Variants in LOC128125814 observed in about 807,000 individuals in gnomAD.
the LOC128125814 span, among the ~76,000 whole-genome samples, chr12:57,519,528 G>A: frequency 6.6e-6 from 1 of 152,232 alleles, no homozygotes; most frequent in Non-Finnish European, 1.5e-5. Context: ...AGTGGCAGCT[G>A]CTGATCCCTA....
chr12:57,518,645 G>C, the LOC128125814 span, among the ~76,000 whole-genome samples: 1 of 152,102 alleles, frequency 6.6e-6, no homozygotes, highest in Non-Finnish European at 1.5e-5. Flanking sequence ...GCAATCCAAA[G>C]TACTAGCAAA....
the LOC128125814 span, chr12:57,520,298 C>G: frequency 5.0e-6 from 2 of 397,134 alleles, no homozygotes; most frequent in Admixed American, 4.4e-5. Flanking sequence ...GGGACTCTCC[C>G]CATTCCTCTC....
At chr12:57,519,190 A>C in the LOC128125814 span, 1 of 533,442 alleles carries the variant, frequency 1.9e-6, no homozygotes, top group South Asian at 1.4e-5. Context: ...CCTCTGCTCA[A>C]ACCCTCCAAT....
At chr12:57,520,108 C>G in the LOC128125814 span, among the ~76,000 whole-genome samples, 11 of 152,324 alleles carry the variant, frequency 7.2e-5, no homozygotes, top group Admixed American at 5.9e-4. Flanking sequence ...CCTGCCTCCC[C>G]GCGGACAGGC....
At chr12:57,519,829 A>G in the LOC128125814 span, among the ~76,000 whole-genome samples, 1 of 152,194 alleles carries the variant, frequency 6.6e-6, no homozygotes, top group Non-Finnish European at 1.5e-5. Context: ...TCTCTTGTGC[A>G]GGAGGCCCAG....
At chr12:57,519,798 C>T in the LOC128125814 span, among the ~76,000 whole-genome samples, 1 of 152,216 alleles carries the variant, frequency 6.6e-6, no homozygotes, top group African/African-American at 2.4e-5. Flanking sequence ...TGGCCTCCTA[C>T]ACTTAAGAGA....
chr12:57,518,654 A>C, the LOC128125814 span, among the ~76,000 whole-genome samples: 1 of 152,076 alleles, frequency 6.6e-6, no homozygotes, highest in Non-Finnish European at 1.5e-5. Flanking sequence ...AGTACTAGCA[A>C]ATTTTAACTC....
At chr12:57,519,881 T>A in the LOC128125814 span, among the ~76,000 whole-genome samples, 1 of 152,182 alleles carries the variant, frequency 6.6e-6, no homozygotes, top group Non-Finnish European at 1.5e-5. Context: ...TCCCTGTCCA[T>A]CGGCACCCCT....
At chr12:57,520,206 G>A in the LOC128125814 span, among the ~76,000 whole-genome samples, 4 of 152,218 alleles carry the variant, frequency 2.6e-5, no homozygotes, top group African/African-American at 7.2e-5. Flanking sequence ...ACAGAGCAGG[G>A]CCCGTGTTCC....
the LOC128125814 span, chr12:57,517,820 C>CT: frequency 2.4e-6 from 1 of 425,256 alleles, no homozygotes; most frequent in South Asian, 7.6e-5. Flanking sequence ...TTTTCTTTTT[C>CT]TTTTTTTCTT....
chr12:57,520,187 C>A, the LOC128125814 span, among the ~76,000 whole-genome samples: 1 of 152,214 alleles, frequency 6.6e-6, no homozygotes, highest in African/African-American at 2.4e-5. Context: ...GGTCCCTTTG[C>A]CCAGCAGCAC....
chr12:57,517,873 C>T, the LOC128125814 span: 1 of 418,536 alleles, frequency 2.4e-6, no homozygotes, highest in South Asian at 8.7e-5. Context: ...TGTTGCCAGG[C>T]TGAAGTGCAG....
chr12:57,519,387 T>A, the LOC128125814 span: 1 of 367,468 alleles, frequency 2.7e-6, no homozygotes, highest in African/African-American at 2.1e-5. Flanking sequence ...TGAGATGATT[T>A]TTTCCTCTTG....
chr12:57,517,831 T>C, the LOC128125814 span: 3 of 428,034 alleles, frequency 7.0e-6, no homozygotes, highest in Non-Finnish European at 1.2e-5. Flanking sequence ...TTTTTTTCTT[T>C]CTTTTTTTTT....
At chr12:57,520,365 C>T in the LOC128125814 span, 3 of 398,456 alleles carry the variant, frequency 7.5e-6, no homozygotes, top group South Asian at 1.3e-4. Flanking sequence ...AGAGCGGACG[C>T]CCCAACTTTG....
the LOC128125814 span, among the ~76,000 whole-genome samples, chr12:57,518,427 T>C: frequency 6.6e-6 from 1 of 152,184 alleles, no homozygotes; most frequent in Admixed American, 6.5e-5. Flanking sequence ...ACATTTCCAG[T>C]CTGGACCTCT....
chr12:57,519,591 C>T, the LOC128125814 span, among the ~76,000 whole-genome samples: 1 of 152,218 alleles, frequency 6.6e-6, no homozygotes, highest in African/African-American at 2.4e-5. Flanking sequence ...GCTGTCCTCC[C>T]TGGGGAACCC....
At chr12:57,519,382 T>C in the LOC128125814 span, 2 of 368,288 alleles carry the variant, frequency 5.4e-6, no homozygotes, top group South Asian at 4.0e-5. Flanking sequence ...CCCACTGAGA[T>C]GATTTTTTCC....
chr12:57,519,083 C>A, the LOC128125814 span: 1 of 530,156 alleles, frequency 1.9e-6, no homozygotes, highest in South Asian at 1.4e-5. Context: ...CAGAAACTTT[C>A]TGACTGCAGA....
Sources: allele counts gnomAD v4.1 joint callset (sites outside exome capture counted in the v4.1 genomes callset), GRCh38; gene constraint gnomAD v4.1.1; transcripts MANE v1.5.